The following UBXN8 variants were observed in gnomAD, a reference collection of about 807,000 sequenced individuals.
The protein encoded by UBXN8 is UBX domain-containing protein 8.
Under a neutral mutation model 32.1 loss-of-function variants are expected in UBXN8, and 27 were observed. That is an observed-to-expected ratio of 0.84 (90% CI 0.62 to 1.16). The LOEUF is 1.16. Ranked by LOEUF, UBXN8 falls within the 50% of genes most tolerant of loss-of-function variation. The probability of loss-of-function intolerance (pLI) is 0.00; values close to 1 mark genes in which losing one functional copy is unlikely to be tolerated. For missense variants in UBXN8, 306 were observed against 311.4 expected (o/e 0.98, Z 0.13); for synonymous variants, 109 against 111.8 (o/e 0.98, Z 0.16).
chr8:30,759,437 G>A (rs967407833), intron 5 of UBXN8, among the ~76,000 whole-genome samples: 3 of 151,072 alleles, frequency 2.0e-5, no homozygotes, highest in African/African-American at 7.3e-5. Context: ...GTATCACCAT[G>A]TTGGCCAGGC....
chr8:30,742,550 C>T (rs1805233589), upstream of UBXN8, among the ~76,000 whole-genome samples: 1 of 151,964 alleles, frequency 6.6e-6, no homozygotes, highest in South Asian at 2.1e-4. Context: ...CTATGTTGCC[C>T]AGAGGGGTCT....
At chr8:30,731,584 G>A (rs374951045), upstream of UBXN8, among the ~76,000 whole-genome samples, 5 of 152,116 alleles carry the variant, frequency 3.3e-5, no homozygotes, top group South Asian at 2.1e-4. Context: ...TGACCCTTAC[G>A]GTCCCCCGAG....
upstream of UBXN8, among the ~76,000 whole-genome samples, chr8:30,731,078 T>C (rs1035518417): frequency 6.6e-6 from 1 of 152,182 alleles, no homozygotes; most frequent in Non-Finnish European, 1.5e-5. Context: ...GCGTAATCAG[T>C]GTGCTTATTG....
At chr8:30,764,592 T>C (rs1287065829) in intron 7 of UBXN8, among the ~76,000 whole-genome samples, 1 of 152,144 alleles carries the variant, frequency 6.6e-6, no homozygotes, top group Non-Finnish European at 1.5e-5. Context: ...CGAAGAAGAC[T>C]CAGTGATAGA....
intron 5 of UBXN8, among the ~76,000 whole-genome samples, chr8:30,759,173 G>A (rs1248882611): frequency 6.6e-5 from 10 of 152,078 alleles, no homozygotes; most frequent in Admixed American, 2.6e-4. Flanking sequence ...GATTACAGGC[G>A]TGAGCCACCA....
At chr8:30,742,915 C>A, upstream of UBXN8, among the ~76,000 whole-genome samples, 1 of 151,702 alleles carries the variant, frequency 6.6e-6, no homozygotes. Context: ...CTCCATAGAA[C>A]CACAAAGTCG....
At chr8:30,730,234 G>A (rs111528078), upstream of UBXN8, among the ~76,000 whole-genome samples, 183 of 152,184 alleles carry the variant, frequency 1.2e-3, no homozygotes, top group African/African-American at 4.0e-3. Flanking sequence ...AGAGAGCAGC[G>A]GTATACTGGA....
At chr8:30,734,466 A>G (rs1167646125) in intron 1 of UBXN8, 1 of 152,066 alleles carries the variant, frequency 6.6e-6, no homozygotes, top group Non-Finnish European at 1.5e-5. Flanking sequence ...CAAAAAAATT[A>G]AAAATTAGCT....
chr8:30,735,233 A>T (rs760675164), intron 1 of UBXN8, among the ~76,000 whole-genome samples: 2 of 152,224 alleles, frequency 1.3e-5, no homozygotes, highest in Non-Finnish European at 2.9e-5. Flanking sequence ...ACGATAAAAA[A>T]ATTTAAAAAT....
At chr8:30,763,874 C>G (rs891755193) in intron 7 of UBXN8, among the ~76,000 whole-genome samples, 1 of 152,000 alleles carries the variant, frequency 6.6e-6, no homozygotes, top group Non-Finnish European at 1.5e-5. Context: ...GCCTGTAATC[C>G]CACCTACTCG....
intron 5 of UBXN8, among the ~76,000 whole-genome samples, chr8:30,760,442 TA>T (rs1309468975): frequency 0.023 from 1,065 of 47,022 alleles, 17 homozygotes; most frequent in African/African-American, 0.079. Context: ...TATATATATA[TA>T]TTTTTTTTTT....
intron 1 of UBXN8, among the ~76,000 whole-genome samples, chr8:30,737,641 T>C (rs1805098224): frequency 9.0e-6 from 1 of 111,694 alleles, no homozygotes; most frequent in African/African-American, 2.5e-5. Flanking sequence ...TAAGCCGTGA[T>C]CTCACCACTG....
At chr8:30,735,562 A>G (rs944655999) in intron 1 of UBXN8, among the ~76,000 whole-genome samples, 2 of 152,064 alleles carry the variant, frequency 1.3e-5, no homozygotes, top group Non-Finnish European at 2.9e-5. Context: ...AACAACGCCG[A>G]GCTCAGTGGC....
chr8:30,752,115 C>A (rs1431422475), intron 2 of UBXN8, among the ~76,000 whole-genome samples: 1 of 152,166 alleles, frequency 6.6e-6, no homozygotes, highest in Admixed American at 6.5e-5. Context: ...TGGTCTCGAT[C>A]TCTTGACCTC....
At position 30,746,775 on chromosome 8, in the gene UBXN8, C is replaced by T. The variant is rs1047247150; in HGVS notation, c.88+2498C>T. Among the ~76,000 whole-genome samples the T allele has an allele frequency of 2.2e-5, 3 of 139,350 alleles. 1 individual carries two copies. Among genetic ancestry groups the T allele is most frequent in the Admixed American group, 1.4e-4 (2 of 13,872 alleles). The allele number at this position is 139,350 out of a possible 152,430, so 91.4% of individuals were successfully genotyped here. A position where few individuals can be genotyped will look rare whatever the true frequency, so the allele number is the denominator to read the frequency against. On this transcript the variant is annotated intron_variant, in intron 1 of 7. Transcript: ENST00000265616. ...TCCTGACCTTGTGATCCACCCGCCT[C>T]GGCCTCCCAAAGTGCTGGGATTACA...
At chr8:30,757,875 A>G (rs1468070368) in intron 5 of UBXN8, among the ~76,000 whole-genome samples, 2 of 151,792 alleles carry the variant, frequency 1.3e-5, no homozygotes, top group Non-Finnish European at 2.9e-5. Context: ...AAAAAAAAAA[A>G]AAGAATTGAT....
chr8:30,766,110 C>T, intron 7 of UBXN8, 117 bp from the exon 8 acceptor site: 1 of 998,562 alleles, frequency 1.0e-6, no homozygotes, highest in Non-Finnish European at 1.4e-6. Context: ...ACTTCTGTCT[C>T]ATTACTCCTA....
chr8:30,753,175 G>C (rs1805560746), intron 3 of UBXN8, 70 bp downstream of exon 3: 7 of 1,394,064 alleles, frequency 5.0e-6, no homozygotes, highest in Non-Finnish European at 5.6e-6. Context: ...TAAAATTAAG[G>C]GCTGTTGCTT....
chr8:30,739,414 G>C (rs1050878892), upstream of UBXN8, among the ~76,000 whole-genome samples: 1 of 151,984 alleles, frequency 6.6e-6, no homozygotes, highest in African/African-American at 2.4e-5. Flanking sequence ...CGTGGTGGCG[G>C]GCGCCTGTAG....
Sources: allele counts gnomAD v4.1 joint callset (sites outside exome capture counted in the v4.1 genomes callset), GRCh38; gene constraint gnomAD v4.1.1; transcripts MANE v1.5; gene names NCBI Gene and HGNC (gene_info 2026-07-23, HGNC 2026-07-21).